Variants in SORCS3 observed in about 807,000 individuals in gnomAD.
SORCS3 encodes the protein sortilin related VPS10 domain containing receptor 3, also known as VPS10 domain-containing receptor SorCS3.
SORCS3 carries 57 observed loss-of-function variants against 146.3 expected under a neutral mutation model. The ratio of observed to expected loss-of-function variants is 0.39; its 90% CI spans 0.31 to 0.49. The LOEUF (loss-of-function observed/expected upper bound fraction) is 0.49. Among genes scored for constraint, SORCS3 ranks in the 20% least tolerant of loss-of-function variants. SORCS3 has a pLI of 0.92. For missense variants in SORCS3, 1,341 were observed against 1,575.5 expected, an observed-to-expected ratio of 0.85 and a Z score of 2.52; for synonymous variants, 653 against 618.5, an observed-to-expected ratio of 1.06 and a Z score of -0.83.
At position 104,771,614 on chromosome 10, in the gene SORCS3, G is replaced by T. The variant is rs112835211; in HGVS notation, c.628-71178G>T. ...TGAGCATGAGATGATGTTTGCACAG[G>T]CATGGCCTCTCCTTGCTCACTATGC... On this transcript the variant is annotated intron_variant, in intron 1 of 26. Transcript: ENST00000369701. Among the ~76,000 whole-genome samples the T allele has an allele frequency of 2.6e-3, 396 of 152,250 alleles. 1 individual carries two copies. The highest frequency in any genetic ancestry group is 4.0e-3 in the Non-Finnish European group (270 of 68,036).
chr10:104,777,317 C>T (rs2133488522), intron 1 of SORCS3, among the ~76,000 whole-genome samples: 1 of 152,294 alleles, frequency 6.6e-6, no homozygotes, highest in South Asian at 2.1e-4. Flanking sequence ...CCTGGCTGTC[C>T]TCCGGGGGTA....
chr10:104,810,908 A>T (rs2133518378), intron 1 of SORCS3, among the ~76,000 whole-genome samples: 1 of 152,326 alleles, frequency 6.6e-6, no homozygotes, highest in Admixed American at 6.5e-5. Context: ...GAGAAATAAA[A>T]ATGTCTGAGA....
intron 9 of SORCS3, among the ~76,000 whole-genome samples, chr10:105,153,697 T>C (rs1448614227): frequency 2.6e-5 from 4 of 151,322 alleles, no homozygotes; most frequent in Non-Finnish European, 5.9e-5. Flanking sequence ...CGATGGGGAT[T>C]TAGTGGTAAC....
intron 4 of SORCS3, among the ~76,000 whole-genome samples, chr10:104,980,822 A>G (rs1209188397): frequency 6.6e-6 from 1 of 152,228 alleles, no homozygotes; most frequent in African/African-American, 2.4e-5. Context: ...AAGACTTGCC[A>G]GTAGATCTCA....
At chr10:105,192,132 G>C (rs1008129214) in intron 14 of SORCS3, among the ~76,000 whole-genome samples, 3 of 152,032 alleles carry the variant, frequency 2.0e-5, no homozygotes, top group African/African-American at 7.2e-5. Context: ...AAAGAAAAAG[G>C]AAGAAACCTC....
chr10:104,792,538 G>A (rs879625055), intron 1 of SORCS3, among the ~76,000 whole-genome samples: 5 of 152,124 alleles, frequency 3.3e-5, no homozygotes, highest in Non-Finnish European at 5.9e-5. Flanking sequence ...TGCTCATAGC[G>A]CTTGCACTAT....
chr10:105,242,438 A>ATG, intron 20 of SORCS3, among the ~76,000 whole-genome samples: 1 of 80,320 alleles, frequency 1.2e-5, no homozygotes, highest in Non-Finnish European at 2.2e-5. Context: ...TTATACATAT[A>ATG]TTTATATATA....
Position 105,170,719 on chromosome 10 carries a change from A to G in SORCS3, c.1901+3370A>G, listed in dbSNP as rs74157455. ...GCCAGCTGTTGAGTATATGTGTTAG[A>G]AAACAACAGCAACAACAACCAACTC... On this transcript the variant is annotated intron_variant, in intron 13 of 26. Transcript: ENST00000369701. Among the ~76,000 whole-genome samples the G allele has an allele frequency of 3.5e-3, 531 of 152,356 alleles. 3 individuals are homozygous for G. The highest frequency in any genetic ancestry group is 0.012 in the African/African-American group (492 of 41,584).
At chr10:104,785,055 G>A (rs544892706) in intron 1 of SORCS3, among the ~76,000 whole-genome samples, 393 of 152,096 alleles carry the variant, frequency 2.6e-3, no homozygotes, top group Middle Eastern at 6.8e-3. Context: ...TCCCGGATGG[G>A]GCGGCTGGCC....
chr10:104,673,804 T>C (rs2015883975), intron 1 of SORCS3, among the ~76,000 whole-genome samples: 1 of 152,188 alleles, frequency 6.6e-6, no homozygotes, highest in Non-Finnish European at 1.5e-5. Context: ...ATAGGGATTA[T>C]ATTTAACATC....
chr10:104,837,583 T>C (rs2018085803), intron 1 of SORCS3, among the ~76,000 whole-genome samples: 1 of 152,188 alleles, frequency 6.6e-6, no homozygotes, highest in Non-Finnish European at 1.5e-5. Flanking sequence ...TAAACCTGGC[T>C]CTCCCAACAA....
chr10:105,235,197 C>T (rs2056786341), intron 20 of SORCS3, among the ~76,000 whole-genome samples: 2 of 152,168 alleles, frequency 1.3e-5, no homozygotes, highest in East Asian at 1.9e-4. Flanking sequence ...CTTAGTTGGA[C>T]TATAAAACCC....
chr10:104,778,228 T>A (rs528202107), intron 1 of SORCS3, among the ~76,000 whole-genome samples: 2 of 152,318 alleles, frequency 1.3e-5, no homozygotes, highest in South Asian at 4.2e-4. Flanking sequence ...CCTCAAAGTT[T>A]GTACAACCAT....
intron 1 of SORCS3, 68 bp downstream of exon 1, chr10:104,642,022 G>GGGGCCCCCC: frequency 5.8e-6 from 1 of 173,334 alleles, no homozygotes. Flanking sequence ...GGGTGGGTGG[G>GGGGCCCCCC]AGCGAGGGAC....
Position 104,950,540 on chromosome 10 carries a change from T to G in SORCS3, c.796-26795T>G, listed in dbSNP as rs185511940. 5.3e-5 allele frequency among the ~76,000 whole-genome samples: 8 copies of G among 152,320 alleles called. No homozygotes were observed. The East Asian group carries it at 1.5e-3, about 29-fold the overall frequency. On this transcript the variant is annotated intron_variant, in intron 3 of 26. Coordinates refer to ENST00000369701, the MANE Select transcript of SORCS3 (RefSeq NM_014978.3). ...CAAGTGGAAGGAGTATTAGTATGAT[T>G]GCGATTATAATTTTAAGGCTGTTTT...
At chr10:104,934,829 A>C (rs2019243355) in intron 3 of SORCS3, among the ~76,000 whole-genome samples, 1 of 152,244 alleles carries the variant, frequency 6.6e-6, no homozygotes, top group South Asian at 2.1e-4. Context: ...AATTGACTTA[A>C]TACTATCTGT....
chr10:105,076,467 C>G (rs554333236), intron 5 of SORCS3, among the ~76,000 whole-genome samples: 1 of 152,274 alleles, frequency 6.6e-6, no homozygotes, highest in South Asian at 2.1e-4. Context: ...GTTTCTCTCT[C>G]AACTTGCATA....
intron 16 of SORCS3, 106 bp from the exon 17 acceptor site, chr10:105,211,031 A>G (rs1345944758): frequency 2.9e-6 from 2 of 696,138 alleles, no homozygotes; most frequent in East Asian, 2.7e-5. Context: ...ACAATGTGTT[A>G]TGACTTTCTG....
At chr10:104,694,914 T>C (rs11599236) in intron 1 of SORCS3, among the ~76,000 whole-genome samples, 54,727 of 152,032 alleles carry the variant, frequency 0.36, 11,265 homozygotes, top group East Asian at 0.65. Context: ...AAAATGTAGG[T>C]TGTATTTTAT....
Sources: gnomAD v4.1 joint callset for allele counts (sites outside exome capture counted in the v4.1 genomes callset) on GRCh38, gnomAD v4.1.1 for gene constraint, MANE v1.5 for transcripts, NCBI Gene and HGNC (gene_info 2026-07-23, HGNC 2026-07-21) for gene names.